CNTNAP3B: variants seen among roughly 807,000 people sequenced by gnomAD.
CNTNAP3B encodes contactin associated protein family member 3B, also known as contactin-associated protein-like 3B.
A neutral mutation model predicts 108.9 loss-of-function variants in CNTNAP3B; 25 were observed. That is an observed-to-expected ratio of 0.23 (90% CI 0.17 to 0.32). The LOEUF is 0.32. CNTNAP3B is among the 10% of genes least tolerant of loss of function. CNTNAP3B has a pLI of 1.00. For missense variants in CNTNAP3B, 252 were observed against 1,210.4 expected (o/e 0.21, Z 11.75); for synonymous variants, 103 against 473.4 (o/e 0.22, Z 10.16).
chr9:42,024,924 G>T lies in CNTNAP3B; in HGVS notation c.391-11399C>A, dbSNP rs1340776233. On this transcript the variant is annotated intron_variant, in intron 3 of 23. Coordinates refer to ENST00000377561, the MANE Select transcript of CNTNAP3B (RefSeq NM_001201380.3). The stretch of plus-strand genomic sequence containing the variant: ...CAGCATCCCCTTTCTGAATATCCTG[G>T]TTTCTTACAACAGTGATATATCAAC... Among the ~76,000 whole-genome samples the T allele has an allele frequency of 2.4e-4, 34 of 143,060 alleles. 1 individual carries two copies. Among genetic ancestry groups the T allele is most frequent in the Admixed American group, 2.4e-3 (34 of 14,326 alleles). 93.9% of individuals were successfully genotyped at this position (143,060 alleles called of 152,430 possible). A position where few individuals can be genotyped will look rare whatever the true frequency, so the allele number is the denominator to read the frequency against.
At chr9:41,956,219 T>G (rs1406133800) in intron 12 of CNTNAP3B, among the ~76,000 whole-genome samples, 1 of 152,046 alleles carries the variant, frequency 6.6e-6, no homozygotes, top group Non-Finnish European at 1.5e-5. Context: ...ACCCTATCTC[T>G]ACTAAAAATA....
In CNTNAP3B at chr9:41,953,369, C is replaced by T. The variant is rs1435666930; in HGVS notation, c.1894G>A (p.Val632Met). The change falls in exon 13 of 24, where the codon GTG (valine) becomes ATG (methionine). Residue 632 changes from valine to methionine, a missense_variant. Val to Met is a conservative substitution (Grantham distance 21). Coordinates refer to ENST00000377561, the MANE Select transcript of CNTNAP3B (RefSeq NM_001201380.3). ...GCGTCGGGGCCACCGTGCCGCACCA[C>T]CGTCCACGCGGAGTCTGCTGAGCAG... ...CNMTADSAWT[V>M]VRHGGPDAVT... is the part of the protein sequence containing the mutation. 3 of 1,550,588 alleles carry T rather than the reference C, an allele frequency of 1.9e-6. No individual in the cohort carries two copies. The highest frequency in any genetic ancestry group is 1.4e-5 in the African/African-American group (1 of 73,450).
intron 17 of CNTNAP3B, among the ~76,000 whole-genome samples, chr9:41,921,112 G>A (rs1191669932): frequency 6.6e-6 from 1 of 152,308 alleles, no homozygotes; most frequent in South Asian, 2.1e-4. Flanking sequence ...GCCTAAGGTG[G>A]GGGCCCCAAA....
At chr9:41,917,319 A>G (rs1305548078) in intron 18 of CNTNAP3B, among the ~76,000 whole-genome samples, 2 of 142,278 alleles carry the variant, frequency 1.4e-5, no homozygotes, top group Non-Finnish European at 3.1e-5. Flanking sequence ...TCCCTGGCTT[A>G]ACTCATTACT....
At position 42,093,068 on chromosome 9, in the gene CNTNAP3B, C is replaced by T. The variant is rs1194169575; in HGVS notation, c.196+11561G>A. 8.2e-4 allele frequency among the ~76,000 whole-genome samples: 79 copies of T among 96,246 alleles called. 23 individuals carry two copies. Among genetic ancestry groups the T allele is most frequent in the African/African-American group, 2.9e-3 (75 of 25,792 alleles). 63.1% of individuals were successfully genotyped at this position (96,246 alleles called of 152,430 possible). The stretch of plus-strand genomic sequence containing the variant: ...TCCCACTGTTGATACTACTAATTGC[C>T]GGGCGCGGTGGCTCACACCTGTAAT... On this transcript the variant is annotated intron_variant, in intron 2 of 23. Transcript: ENST00000377561.
intron 2 of CNTNAP3B, among the ~76,000 whole-genome samples, chr9:42,103,418 TAAA>T (rs1156658774): frequency 8.4e-5 from 4 of 47,716 alleles, no homozygotes; most frequent in African/African-American, 1.1e-4. Context: ...AACAGGGAGT[TAAA>T]AAAAAAAAAA....
At chr9:41,931,157 A>G (rs1823966944) in intron 14 of CNTNAP3B, among the ~76,000 whole-genome samples, 1 of 152,296 alleles carries the variant, frequency 6.6e-6, no homozygotes, top group African/African-American at 2.4e-5. Context: ...ACACTTTTGT[A>G]TTTTCAGAAT....
rs558211541 is a variant in CNTNAP3B, at chr9:42,097,031, C to A, written c.196+7598G>T. ...CCTCCCAAAGTGCTGGGATTACAGG[C>A]GTGAACCACTGTGCCCGGTCCCGCA... On this transcript the variant is annotated intron_variant, in intron 2 of 23. Coordinates refer to ENST00000377561, the MANE Select transcript of CNTNAP3B (RefSeq NM_001201380.3). Among the ~76,000 whole-genome samples, 2 of 137,714 alleles carry A rather than the reference C, an allele frequency of 1.5e-5. 1 individual carries two copies. The highest frequency in any genetic ancestry group is 4.4e-4 in the East Asian group (2 of 4,558). 90.3% of individuals were successfully genotyped at this position (137,714 alleles called of 152,430 possible). A position where few individuals can be genotyped will look rare whatever the true frequency, so the allele number is the denominator to read the frequency against.
At chr9:41,977,026 A>T (rs1587168523) in intron 9 of CNTNAP3B, among the ~76,000 whole-genome samples, 1 of 144,328 alleles carries the variant, frequency 6.9e-6, no homozygotes, top group African/African-American at 2.6e-5. Flanking sequence ...AGTAGAACTG[A>T]TAAAATGTGG....
chr9:41,940,845 TA>T (rs942812845), intron 13 of CNTNAP3B, among the ~76,000 whole-genome samples: 1 of 152,230 alleles, frequency 6.6e-6, no homozygotes, highest in African/African-American at 2.4e-5. Context: ...AAAACCTTTT[TA>T]ACACAAAAGA....
chr9:42,120,136 A>C (rs1381880517), intron 1 of CNTNAP3B, among the ~76,000 whole-genome samples: 1 of 149,694 alleles, frequency 6.7e-6, no homozygotes, highest in East Asian at 2.0e-4. Flanking sequence ...CAAGAGAAAA[A>C]ACAACAATCC....
intron 13 of CNTNAP3B, among the ~76,000 whole-genome samples, chr9:41,944,608 G>C (rs1181614719): frequency 1.3e-5 from 2 of 152,034 alleles, no homozygotes; most frequent in African/African-American, 2.4e-5. Context: ...CAAAAAATGT[G>C]AGAGGGGAAT....
At chr9:42,030,804 A>AT (rs1465079073) in intron 3 of CNTNAP3B, among the ~76,000 whole-genome samples, 1 of 67,560 alleles carries the variant, frequency 1.5e-5, no homozygotes, top group Non-Finnish European at 3.0e-5. Context: ...AGAGAGAGAG[A>AT]GAGAGAGAGG....
chr9:42,030,809 GA>G (rs1280166284), intron 3 of CNTNAP3B, among the ~76,000 whole-genome samples: 3 of 80,652 alleles, frequency 3.7e-5, no homozygotes, highest in Admixed American at 1.3e-4. Context: ...GAGAGAGAGA[GA>G]GAGGAGAGAG....
At chr9:41,916,066 C>A (rs1440260277) in intron 18 of CNTNAP3B, among the ~76,000 whole-genome samples, 1 of 150,642 alleles carries the variant, frequency 6.6e-6, no homozygotes, top group East Asian at 1.9e-4. Flanking sequence ...ATAATTTGTT[C>A]TCTTTTTAAA....
At chr9:42,126,768 C>A (rs1228857748) in intron 1 of CNTNAP3B, among the ~76,000 whole-genome samples, 1 of 136,174 alleles carries the variant, frequency 7.3e-6, no homozygotes, top group Non-Finnish European at 1.6e-5. Context: ...CAGGGTTTCA[C>A]CATGGTGGCC....
rs1426585481 is a variant in CNTNAP3B, at chr9:42,006,097, G to A, written c.538+7281C>T. ...AACTAGGTCTCATGGGGACTGAGAC[G>A]CTGCACTGAGTCAGTTAAATGCTGA... On this transcript the variant is annotated intron_variant, in intron 4 of 23. Transcript: ENST00000377561. 4.9e-5 allele frequency among the ~76,000 whole-genome samples: 2 copies of A among 41,236 alleles called. 1 individual carries two copies. The highest frequency in any genetic ancestry group is 1.2e-4 in the Non-Finnish European group (2 of 16,422). 27.1% of individuals were successfully genotyped at this position (41,236 alleles called of 152,430 possible).
At chr9:42,032,124 C>A (rs1256905299) in intron 3 of CNTNAP3B, among the ~76,000 whole-genome samples, 1 of 113,712 alleles carries the variant, frequency 8.8e-6, no homozygotes, top group Non-Finnish European at 1.8e-5. Context: ...TGCATGACGC[C>A]TTTTTTTCTG....
At chr9:41,967,496 C>A (rs1371636385) in intron 10 of CNTNAP3B, among the ~76,000 whole-genome samples, 1 of 152,240 alleles carries the variant, frequency 6.6e-6, no homozygotes. Context: ...TTGGGTATAT[C>A]TTTATTAGCA....
Sources: allele counts gnomAD v4.1 joint callset (sites outside exome capture counted in the v4.1 genomes callset), GRCh38; gene constraint gnomAD v4.1.1; transcripts MANE v1.5; gene names NCBI Gene and HGNC (gene_info 2026-07-23, HGNC 2026-07-21).